CDHR2: variants seen among roughly 807,000 people sequenced by gnomAD.
CDHR2 encodes the protein cadherin-related family member 2.
CDHR2 carries 104 observed loss-of-function variants against 138.6 expected under a neutral mutation model. The ratio of observed to expected loss-of-function variants is 0.75; its 90% CI spans 0.64 to 0.88. The LOEUF (loss-of-function observed/expected upper bound fraction) is 0.88, where lower values mean the gene tolerates loss of function less well. Among genes scored for constraint, CDHR2 ranks in the 40% least tolerant of loss-of-function variants. The pLI, the probability that CDHR2 is intolerant of heterozygous loss-of-function variation, is 0.00. For synonymous variants in CDHR2, 755 were observed against 742.8 expected (o/e 1.02, Z -0.27); for missense variants, 1,624 against 1,727.6 (o/e 0.94, Z 1.06).
Position 176,581,419 on chromosome 5 carries a change from A to G in CDHR2, c.1895A>G (p.Asn632Ser), listed in dbSNP as rs779358932. Residue 632 changes from asparagine (N) to serine (S), a missense_variant, in exon 17 of 32, where the codon AAC (asparagine) becomes AGC (serine). Physicochemically the swap from Asn to Ser is conservative, Grantham distance 46. This residue lies in a region of CDHR2 where 1,061 missense variants were observed against 1,136.6 expected (regional missense o/e 0.93). Transcript: ENST00000261944. ...FNLLPGPYSH[N>S]FSLDPDTGLL... ...CTGCTGCCTGGCCCCTACAGCCACA[A>G]CTTCTCCTTGGACCCTGACACAGGG... The G allele has an allele frequency of 6.2e-6, 10 of 1,614,030 alleles. No individual in the cohort carries two copies. Among genetic ancestry groups the G allele is most frequent in the African/African-American group, 1.3e-5 (1 of 74,932 alleles).
chr5:176,577,865 A>AGTGTGTGAGTGTGAGAGT, intron 14 of CDHR2, 67 bp downstream of exon 14: 2 of 1,149,548 alleles, frequency 1.7e-6, no homozygotes, highest in Non-Finnish European at 2.5e-6. Flanking sequence ...TGAGTGTGAG[A>AGTGTGTGAGTGTGAGAGT]GTGTGTGTGT....
chr5:176,571,087 A>C, intron 5 of CDHR2, 126 bp from the exon 6 acceptor site: 1 of 341,512 alleles, frequency 2.9e-6, no homozygotes, highest in Non-Finnish European at 5.8e-6. Context: ...AAACATATGG[A>C]GAGAAAGAGA....
intron 17 of CDHR2, among the ~76,000 whole-genome samples, chr5:176,583,457 A>C (rs536394359): frequency 6.6e-6 from 1 of 152,344 alleles, no homozygotes; most frequent in African/African-American, 2.4e-5. Context: ...TCAGAAAAAC[A>C]AACACCTGTT....
Position 176,584,243 on chromosome 5 carries a change from G to T in CDHR2, c.2112G>T (p.Val704=), listed in dbSNP as rs1221002412. 6.2e-7 allele frequency: 1 copy of T among 1,614,090 alleles called. No homozygotes were observed. Among genetic ancestry groups the T allele is most frequent in the Non-Finnish European group, 8.5e-7 (1 of 1,179,930 alleles). Reference sequence around the variant, plus strand: ...ATCAGTCCAGCTACAACTTTACGGTGAAGGAGGAGGATCCAGGTATGTGCT... The same window carrying T: ...ATCAGTCCAGCTACAACTTTACGGTTAAGGAGGAGGATCCAGGTATGTGCT... ...IFNQSSYNFT[V]KEEDPGVLVG... is the part of the protein sequence containing the mutation. Residue 704 remains valine, a synonymous_variant, in exon 18 of 32, where the codon GTG becomes GTT. Coordinates refer to ENST00000261944, the MANE Select transcript of CDHR2 (RefSeq NM_017675.6).
intron 3 of CDHR2, among the ~76,000 whole-genome samples, chr5:176,568,445 G>A (rs978851064): frequency 2.6e-5 from 4 of 152,260 alleles, no homozygotes; most frequent in African/African-American, 9.6e-5. Flanking sequence ...GGGAGGGGTA[G>A]ATGCCTGGGT....
intron 18 of CDHR2, 22 bp from the exon 19 acceptor site, chr5:176,584,388 G>C (rs1758600414): frequency 1.2e-6 from 2 of 1,602,560 alleles, no homozygotes; most frequent in East Asian, 4.5e-5. Context: ...GAGTCCTTCT[G>C]AGCTCTGCCC....
chr5:176,561,557 C>A (rs1180724118), intron 1 of CDHR2, among the ~76,000 whole-genome samples: 1 of 151,918 alleles, frequency 6.6e-6, no homozygotes, highest in African/African-American at 2.4e-5. Context: ...CCTGTGAGGT[C>A]ACCATGGATG....
chr5:176,576,162 A>G lies in CDHR2; in HGVS notation c.1171A>G (p.Met391Val), dbSNP rs758098714. ...SPRIPIDDLT[M>V]VVYDPDKGSN... The stretch of plus-strand genomic sequence containing the variant: ...CCGCATCCCCATCGATGACCTCACC[A>G]TGGTGGTCTACGACCCGGACAAGGC... The change falls in exon 12 of 32, where the codon ATG (methionine) becomes GTG (valine). Residue 391 changes from methionine (M) to valine (V), a missense_variant. Met to Val is a conservative substitution (Grantham distance 21). Coordinates refer to ENST00000261944, the MANE Select transcript of CDHR2 (RefSeq NM_017675.6). The surrounding 1 kb of genome is among the most constrained non-coding windows in gnomAD (Gnocchi z 4.5). 6.4e-7 allele frequency: 1 copy of G among 1,553,312 alleles called. No homozygotes were observed.
At chr5:176,579,764 T>C (rs1174254330) in intron 16 of CDHR2, among the ~76,000 whole-genome samples, 1 of 151,792 alleles carries the variant, frequency 6.6e-6, no homozygotes, top group Non-Finnish European at 1.5e-5. Flanking sequence ...TGAGTCGGAG[T>C]GGTCCCACTC....
At chr5:176,592,377 G>A (rs924234379) in intron 30 of CDHR2, among the ~76,000 whole-genome samples, 1 of 149,310 alleles carries the variant, frequency 6.7e-6, no homozygotes, top group Non-Finnish European at 1.5e-5. Flanking sequence ...TGGTGGTGGT[G>A]ATGGTTATGA....
chr5:176,565,583 A>C, intron 2 of CDHR2, 89 bp from the exon 3 acceptor site: 1 of 1,331,364 alleles, frequency 7.5e-7, no homozygotes, highest in Non-Finnish European at 1.1e-6. Context: ...CTGGGTGGCC[A>C]TAAGGACTAG....
At chr5:176,595,331 T>C (rs1462905491) in intron 31 of CDHR2, among the ~76,000 whole-genome samples, 1 of 151,786 alleles carries the variant, frequency 6.6e-6, no homozygotes, top group African/African-American at 2.4e-5. Context: ...GGCCACACCC[T>C]CCCCCTCCCC....
In CDHR2 at chr5:176,577,563, T is replaced by G; in HGVS notation, c.1350+9T>G. ...CGGCGATGGCGGTGCAGGTGAGGGC[T>G]GCTCCGGGGTGCCAGGGGCAGAAGC... is the stretch of plus-strand genomic sequence containing the variant. On this transcript the variant is annotated intron_variant, in intron 13 of 31. Coordinates refer to ENST00000261944, the MANE Select transcript of CDHR2 (RefSeq NM_017675.6). 1.2e-6 allele frequency: 2 copies of G among 1,613,630 alleles called. No individual in the cohort carries two copies. Among genetic ancestry groups the G allele is most frequent in the Non-Finnish European group, 1.7e-6 (2 of 1,179,732 alleles).
intron 24 of CDHR2, 58 bp from the exon 25 acceptor site, chr5:176,590,020 C>T: frequency 2.8e-6 from 4 of 1,414,322 alleles, no homozygotes; most frequent in Non-Finnish European, 4.0e-6. Context: ...CTGGCACAGC[C>T]CTGGCCACAG....
rs767718567 is a variant in CDHR2, at chr5:176,571,228, C to T, written c.331C>T (p.Leu111=). 8.7e-6 allele frequency: 14 copies of T among 1,612,406 alleles called. No homozygotes were observed. The highest frequency in any genetic ancestry group is 1.2e-5 in the Non-Finnish European group (14 of 1,179,232). The change falls in exon 6 of 32, where the codon CTG becomes TTG. Residue 111 remains leucine (L), a synonymous_variant. Coordinates refer to ENST00000261944, the MANE Select transcript of CDHR2 (RefSeq NM_017675.6). ...DPYIQVQREM[L]VIVEDRNDNA... is the part of the protein sequence containing the mutation. ...TCACTTGCAGGTGCAGAGGGAGATGCTGGTGATTGTGGAAGATAGAAACGA... is the reference window on the plus strand; with the variant it reads ...TCACTTGCAGGTGCAGAGGGAGATGTTGGTGATTGTGGAAGATAGAAACGA...
intron 30 of CDHR2, among the ~76,000 whole-genome samples, chr5:176,592,451 C>A (rs1199533369): frequency 9.2e-5 from 5 of 54,454 alleles, no homozygotes; most frequent in Non-Finnish European, 1.8e-4. Flanking sequence ...TGGATGATGA[C>A]GGTGGTGGTG....
intron 11 of CDHR2, 44 bp downstream of exon 11, chr5:176,575,883 AC>A (rs746388776): frequency 1.3e-4 from 206 of 1,551,658 alleles, no homozygotes; most frequent in Non-Finnish European, 1.6e-4. Flanking sequence ...CTGCTCTCTA[AC>A]CTCTGGCCTT....
At position 176,565,365 on chromosome 5, in the gene CDHR2, T is replaced by A; in HGVS notation, c.13T>A (p.Trp5Arg). 6.2e-7 allele frequency: 1 copy of A among 1,614,122 alleles called. No individual in the cohort carries two copies. The highest frequency in any genetic ancestry group is 2.2e-5 in the East Asian group (1 of 44,872). Residue 5 changes from tryptophan to arginine, a missense_variant, in exon 2 of 32, where the codon TGG (tryptophan) becomes AGG (arginine). Transcript: ENST00000261944. MAQL[W>R]LSCFLLPALV... ...CCCTGCGGATGTGATGGCCCAGCTA[T>A]GGCTGTCCTGCTTCCTCCTTCCTGC...
intron 1 of CDHR2, among the ~76,000 whole-genome samples, chr5:176,563,532 G>A (rs1758014822): frequency 2.0e-5 from 3 of 152,046 alleles, no homozygotes; most frequent in Admixed American, 2.0e-4. Context: ...AGTTTCTTCT[G>A]TAGGGCTGCC....
Sources: gnomAD v4.1 joint callset for allele counts (sites outside exome capture counted in the v4.1 genomes callset) on GRCh38, gnomAD v4.1.1 for gene constraint, gnomAD v4.1.1 regional missense constraint, Gnocchi (gnomAD v3.1) non-coding constraint, MANE v1.5 for transcripts, NCBI Gene and HGNC (gene_info 2026-07-23, HGNC 2026-07-21) for gene names.